Variants in LIPH observed in about 807,000 individuals in gnomAD.
The protein encoded by LIPH is lipase member H.
In LIPH, 32 loss-of-function variants were observed where a neutral mutation model predicts 47.6. The ratio of observed to expected loss-of-function variants is 0.67; its 90% CI spans 0.51 to 0.90. The LOEUF (loss-of-function observed/expected upper bound fraction) is 0.90, where lower values mean the gene tolerates loss of function less well. Ranked by LOEUF, LIPH falls within the 40% of genes least tolerant of loss-of-function variation. The probability of loss-of-function intolerance (pLI) is 0.00; values close to 1 mark genes in which losing one functional copy is unlikely to be tolerated. For synonymous variants in LIPH, 190 were observed against 195.6 expected, an observed-to-expected ratio of 0.97 and a Z score of 0.24; for missense variants, 497 against 541.4, an observed-to-expected ratio of 0.92 and a Z score of 0.81.
At position 185,519,185 on chromosome 3, in the gene LIPH, A is replaced by G; in HGVS notation, c.843T>C (p.Cys281=). The change falls in exon 6 of 10, where the codon TGT becomes TGC. Residue 281 remains cysteine, a synonymous_variant. Transcript: ENST00000296252. Reference sequence around the variant, plus strand: ...CTTTTTGTGACGTGCCGCAGCTGACACACTTGCCATTCCTATAATCCTGGT... The same window carrying G: ...CTTTTTGTGACGTGCCGCAGCTGACGCACTTGCCATTCCTATAATCCTGGT... ...DSYQDYRNGK[C]VSCGTSQKES... 1 of 1,614,034 alleles carries G rather than the reference A, an allele frequency of 6.2e-7. No individual in the cohort carries two copies. Among genetic ancestry groups the G allele is most frequent in the Non-Finnish European group, 8.5e-7 (1 of 1,179,918 alleles).
chr3:185,542,537 G>A (rs1268981089), intron 1 of LIPH, among the ~76,000 whole-genome samples: 5 of 151,838 alleles, frequency 3.3e-5, no homozygotes, highest in Non-Finnish European at 5.9e-5. Context: ...CGCTGGTCTC[G>A]AACTCCTGAC....
At chr3:185,545,018 T>C (rs1407769721) in intron 1 of LIPH, among the ~76,000 whole-genome samples, 1 of 151,474 alleles carries the variant, frequency 6.6e-6, no homozygotes, top group Non-Finnish European at 1.5e-5. Flanking sequence ...TTGAGTTATG[T>C]TATTGTTATG....
intron 9 of LIPH, among the ~76,000 whole-genome samples, chr3:185,509,610 G>A (rs1378707272): frequency 6.6e-6 from 1 of 152,108 alleles, no homozygotes; most frequent in Non-Finnish European, 1.5e-5. Flanking sequence ...TCCAGCCTGG[G>A]TGACAGAGCG....
chr3:185,527,022 A>G (rs574189000), intron 4 of LIPH, among the ~76,000 whole-genome samples: 3 of 152,010 alleles, frequency 2.0e-5, no homozygotes, highest in Admixed American at 6.6e-5. Flanking sequence ...GGCGGATCAC[A>G]AGGTCAGGAG....
In LIPH at chr3:185,508,864, G is replaced by T; in HGVS notation, c.1282C>A (p.Arg428=). 4 of 1,611,538 alleles carry T rather than the reference G, an allele frequency of 2.5e-6. No individual in the cohort carries two copies. The highest frequency in any genetic ancestry group is 3.4e-6 in the Non-Finnish European group (4 of 1,177,692). The change falls in exon 10 of 10, where the codon CGG becomes AGG. Residue 428 remains arginine, a synonymous_variant. Transcript: ENST00000296252. ...TTTTCCATCAGGACAAGATCATACC[G>T]ACACAGCTGAGGCCTGGGAAAATAA... ...LAHPERPQLC[R]YDLVLMENVE... is the part of the protein sequence containing the mutation.
chr3:185,533,579 C>T lies in LIPH; in HGVS notation c.518G>A (p.Arg173Lys). ...CATTCACAGGCACTTACCTGTAATT[C>T]TCCCCAGCCATCCATCGTACATCTC... ...VGEMYDGWLG[R>K]ITGLDPAGPL... is the part of the protein sequence containing the mutation. The change falls in exon 3 of 10, where the codon AGA (arginine) becomes AAA (lysine). Residue 173 changes from arginine to lysine, a missense_variant. Transcript: ENST00000296252. 1.2e-6 allele frequency: 2 copies of T among 1,610,218 alleles called. No individual in the cohort carries two copies. Among genetic ancestry groups the T allele is most frequent in the South Asian group, 2.2e-5 (2 of 91,006 alleles).
In LIPH at chr3:185,526,789, G is replaced by C. The variant is rs181271662; in HGVS notation, c.628+695C>G. Among the ~76,000 whole-genome samples the C allele has an allele frequency of 4.1e-3, 619 of 151,600 alleles. 5 individuals are homozygous for C. Among genetic ancestry groups the C allele is most frequent in the African/African-American group, 0.015 (604 of 41,480 alleles). On this transcript the variant is annotated intron_variant, in intron 4 of 9. Transcript: ENST00000296252. ...GAGCCAGAGAGCTGTAGTTGCATCA[G>C]AGTGACTCTGTGTGGAGAGATTTAA...
intron 9 of LIPH, 92 bp downstream of exon 9, chr3:185,511,432 A>G: frequency 8.9e-7 from 1 of 1,129,168 alleles, no homozygotes; most frequent in Admixed American, 1.7e-5. Context: ...TGAATAATAG[A>G]GTCTTATTAA....
chr3:185,545,814 G>C (rs183626375), intron 1 of LIPH, among the ~76,000 whole-genome samples: 1 of 152,040 alleles, frequency 6.6e-6, no homozygotes, highest in African/African-American at 2.4e-5. Context: ...TGTGACCCCT[G>C]GTAATTAATT....
intron 5 of LIPH, among the ~76,000 whole-genome samples, chr3:185,522,714 ATT>A (rs1222196792): frequency 7.0e-6 from 1 of 142,766 alleles, no homozygotes; most frequent in Non-Finnish European, 1.6e-5. Flanking sequence ...TGGCCGTCAT[ATT>A]CTGTCAGTCA....
At chr3:185,529,887 GAGAGAGAA>G (rs1484201893) in intron 3 of LIPH, among the ~76,000 whole-genome samples, 2 of 146,944 alleles carry the variant, frequency 1.4e-5, no homozygotes, top group East Asian at 2.0e-4. Flanking sequence ...AAGCAAGAGA[GAGAGAGAA>G]AGAGAGAAAG....
chr3:185,536,570 G>C (rs190536437), intron 1 of LIPH, among the ~76,000 whole-genome samples: 127 of 152,172 alleles, frequency 8.3e-4, no homozygotes, highest in African/African-American at 2.9e-3. Flanking sequence ...AATAACCTGA[G>C]TCTGTTCAGT....
At chr3:185,530,996 C>T (rs867932824) in intron 3 of LIPH, among the ~76,000 whole-genome samples, 6 of 152,090 alleles carry the variant, frequency 3.9e-5, no homozygotes, top group Non-Finnish European at 8.8e-5. Context: ...ATAATTACAC[C>T]AAGACAAAGG....
intron 3 of LIPH, among the ~76,000 whole-genome samples, chr3:185,528,432 A>G (rs1165202851): frequency 6.6e-6 from 1 of 152,160 alleles, no homozygotes. Flanking sequence ...TTGTTAATAA[A>G]TAAAGAACTT....
intron 5 of LIPH, among the ~76,000 whole-genome samples, chr3:185,519,542 T>C (rs1277531920): frequency 6.6e-6 from 1 of 151,742 alleles, no homozygotes; most frequent in East Asian, 1.9e-4. Flanking sequence ...TATGCTTTGG[T>C]GAAAGACCCA....
At chr3:185,542,422 T>C (rs1024143864) in intron 1 of LIPH, among the ~76,000 whole-genome samples, 1 of 152,116 alleles carries the variant, frequency 6.6e-6, no homozygotes, top group African/African-American at 2.4e-5. Context: ...TTCAAGCGAT[T>C]CTCCTTGCTT....
chr3:185,526,892 A>G (rs1337434114), intron 4 of LIPH, among the ~76,000 whole-genome samples: 2 of 152,042 alleles, frequency 1.3e-5, no homozygotes, highest in Admixed American at 6.6e-5. Flanking sequence ...ACATAGGAAA[A>G]CACTTATCTT....
At chr3:185,515,093 A>C (rs1719685993) in intron 7 of LIPH, among the ~76,000 whole-genome samples, 2 of 152,170 alleles carry the variant, frequency 1.3e-5, no homozygotes, top group Non-Finnish European at 2.9e-5. Context: ...TGACCCCCAG[A>C]CTAAGTCAGG....
At position 185,527,394 on chromosome 3, in the gene LIPH, C is replaced by A. The variant is rs928951474; in HGVS notation, c.628+90G>T. 12 of 921,520 alleles carry A rather than the reference C, an allele frequency of 1.3e-5. 1 individual carries two copies. The South Asian group carries it at 1.6e-4, about 12-fold the overall frequency. The allele number at this position is 921,520 out of a possible 1,614,324, so 57.1% of individuals were successfully genotyped here. The stretch of plus-strand genomic sequence containing the variant: ...AAAAAAAAGTTAGAATCTAGAGGAA[C>A]CTGATCTGCTCCTACATGATTATCT... On this transcript the variant is annotated intron_variant, in intron 4 of 9. Transcript: ENST00000296252.
Sources: gnomAD v4.1 joint callset for allele counts (sites outside exome capture counted in the v4.1 genomes callset) on GRCh38, gnomAD v4.1.1 for gene constraint, MANE v1.5 for transcripts, NCBI Gene and HGNC (gene_info 2026-07-23, HGNC 2026-07-21) for gene names.